The following ANGPTL3 variants were observed in gnomAD, a reference collection of about 807,000 sequenced individuals.
ANGPTL3 encodes the protein angiopoietin-related protein 3.
In ANGPTL3, 51 loss-of-function variants were observed where a neutral mutation model predicts 52.7. That is an observed-to-expected ratio of 0.97 (90% CI 0.77 to 1.22). The LOEUF is 1.22. Among genes scored for constraint, ANGPTL3 ranks in the 50% most tolerant of loss-of-function variants. ANGPTL3 has a pLI of 0.00. For synonymous variants in ANGPTL3, 185 were observed against 179.8 expected, an observed-to-expected ratio of 1.03 and a Z score of -0.23; for missense variants, 506 against 520.7, an observed-to-expected ratio of 0.97 and a Z score of 0.27.
chr1:62,598,219 A>G (rs1206166782), intron 1 of ANGPTL3, among the ~76,000 whole-genome samples, 158 bp downstream of exon 1: 2 of 152,046 alleles, frequency 1.3e-5, no homozygotes, highest in Non-Finnish European at 2.9e-5. Flanking sequence ...TTCCTATTAT[A>G]ATTTCAAGTT....
At chr1:62,603,525 G>A (rs1244949870) in intron 5 of ANGPTL3, among the ~76,000 whole-genome samples, 1 of 151,524 alleles carries the variant, frequency 6.6e-6, no homozygotes, top group Non-Finnish European at 1.5e-5. Context: ...CAAAGGCCAG[G>A]TTTACATTTG....
chr1:62,603,283 C>T (rs1650427514), intron 5 of ANGPTL3, among the ~76,000 whole-genome samples: 1 of 151,268 alleles, frequency 6.6e-6, no homozygotes, highest in African/African-American at 2.4e-5. Flanking sequence ...AACTCAATAG[C>T]AATAAGACAA....
At chr1:62,601,287 GAT>G (rs1361178465) in intron 3 of ANGPTL3, 91 bp downstream of exon 3, 17 of 916,844 alleles carry the variant, frequency 1.9e-5, no homozygotes, top group Non-Finnish European at 3.0e-5. Context: ...ATAGTTAAGA[GAT>G]ATCCATCAAA....
At chr1:62,604,349 T>C (rs971380849) in intron 6 of ANGPTL3, 114 bp downstream of exon 6, 23 of 1,328,326 alleles carry the variant, frequency 1.7e-5, no homozygotes, top group Non-Finnish European at 2.4e-5. Flanking sequence ...AATAAGCGTT[T>C]TCTCTCTAGA....
At chr1:62,602,988 C>CT (rs1188141067) in intron 5 of ANGPTL3, among the ~76,000 whole-genome samples, 10 of 151,732 alleles carry the variant, frequency 6.6e-5, no homozygotes, top group African/African-American at 2.4e-4. Context: ...TGAATGATGT[C>CT]TAAGTACTCA....
At chr1:62,604,543 TAAGA>T in intron 6 of ANGPTL3, 86 bp from the exon 7 acceptor site, 1 of 1,339,100 alleles carries the variant, frequency 7.5e-7, no homozygotes, top group Non-Finnish European at 1.1e-6. Flanking sequence ...GTAATATTTA[TAAGA>T]AAGGAAGATA....
Position 62,601,156 on chromosome 1 carries a change from C to T in ANGPTL3, c.681C>T (p.Pro227=). 6.2e-7 allele frequency: 1 copy of T among 1,610,696 alleles called. No homozygotes were observed. The highest frequency in any genetic ancestry group is 8.5e-7 in the Non-Finnish European group (1 of 1,177,478). ...SSKPRAPRTT[P]FLQLNEIRNV... is the part of the protein sequence containing the mutation. ...AGCCAAGAGCACCAAGAACTACTCC[C>T]TTTCTTCAGTTGAATGAAATAAGAA... is the stretch of plus-strand genomic sequence containing the variant. Residue 227 remains proline, a synonymous_variant, in exon 3 of 7, where the codon CCC becomes CCT. Coordinates refer to ENST00000371129, the MANE Select transcript of ANGPTL3 (RefSeq NM_014495.4).
chr1:62,600,935 C>A, intron 2 of ANGPTL3, 147 bp from the exon 3 acceptor site: 1 of 609,874 alleles, frequency 1.6e-6, no homozygotes, highest in Non-Finnish European at 3.0e-6. Flanking sequence ...TCTGTACAAT[C>A]TGAATAACAC....
At chr1:62,600,842 G>C (rs567906419) in intron 2 of ANGPTL3, among the ~76,000 whole-genome samples, 1 of 151,602 alleles carries the variant, frequency 6.6e-6, no homozygotes, top group Admixed American at 6.6e-5. Context: ...TCTGTTTTCC[G>C]ACCAATGTCT....
Position 62,604,233 on chromosome 1 carries a change from C to A in ANGPTL3, c.1196C>A (p.Ser399Ter), listed in dbSNP as rs780832785. ...CACTTCAACTGTCCAGAGGGTTATT[C>A]AGGTATCTTTTTCTGATACCAATAC... Reference protein sequence around the residue: ...KGHFNCPEGYSGGWWWHDECG... With the variant: ...KGHFNCPEGY The change falls in exon 6 of 7, where the codon TCA (serine) becomes TAA (stop). Residue 399 changes from serine (S) to a stop codon, truncating the protein, a stop_gained and splice_region_variant. Transcript: ENST00000371129. LOFTEE classifies it high-confidence loss of function. The A allele has an allele frequency of 8.7e-6, 14 of 1,613,040 alleles. No individual in the cohort carries two copies. In the South Asian group the frequency reaches 1.4e-4, roughly 16 times the overall value.
At chr1:62,601,341 C>A in intron 3 of ANGPTL3, 145 bp downstream of exon 3, 1 of 650,948 alleles carries the variant, frequency 1.5e-6, no homozygotes, top group Non-Finnish European at 2.8e-6. Context: ...GTTCTTTTTA[C>A]ACCCTATAAA....
chr1:62,604,528 A>T (rs912195683), intron 6 of ANGPTL3, 105 bp from the exon 7 acceptor site: 15 of 1,224,862 alleles, frequency 1.2e-5, no homozygotes, highest in Non-Finnish European at 1.8e-5. Context: ...TGCATCTAAA[A>T]CACTGTAATA....
intron 5 of ANGPTL3, among the ~76,000 whole-genome samples, chr1:62,603,508 C>A (rs1650469277): frequency 6.6e-6 from 1 of 151,554 alleles, no homozygotes; most frequent in Non-Finnish European, 1.5e-5. Flanking sequence ...ATACATTAAG[C>A]AAATACCAAA....
At chr1:62,602,263 T>C (rs1258625222) in intron 4 of ANGPTL3, 22 bp from the exon 5 acceptor site, 4 of 1,562,402 alleles carry the variant, frequency 2.6e-6, no homozygotes, top group Non-Finnish European at 2.6e-6. Flanking sequence ...TAAAAATACA[T>C]GATTTCATTC....
chr1:62,602,467 G>A, intron 5 of ANGPTL3, 87 bp downstream of exon 5: 3 of 1,188,976 alleles, frequency 2.5e-6, no homozygotes, highest in Non-Finnish European at 3.8e-6. Context: ...ATTAGGAAAA[G>A]TAGTAACGAA....
intron 1 of ANGPTL3, 33 bp downstream of exon 1, chr1:62,598,094 G>A (rs954364318): frequency 6.6e-7 from 1 of 1,525,168 alleles, no homozygotes; most frequent in Non-Finnish European, 8.8e-7. Context: ...TCATGTTTAT[G>A]TTTTCAATGT....
chr1:62,600,919 A>C (rs1650019257), intron 2 of ANGPTL3, 163 bp from the exon 3 acceptor site: 8 of 561,138 alleles, frequency 1.4e-5, no homozygotes, highest in Non-Finnish European at 2.3e-5. Flanking sequence ...TTTTGAGAAC[A>C]GGTAATCTGT....
Position 62,597,706 on chromosome 1 carries a change from C to G in ANGPTL3, c.140C>G (p.Ala47Gly). 6.2e-7 allele frequency: 1 copy of G among 1,613,522 alleles called. No individual in the cohort carries two copies. Among genetic ancestry groups the G allele is most frequent in the Non-Finnish European group, 8.5e-7 (1 of 1,179,718 alleles). Residue 47 changes from alanine (A) to glycine (G), a missense_variant, in exon 1 of 7, where the codon GCC becomes GGC. Coordinates refer to ENST00000371129, the MANE Select transcript of ANGPTL3 (RefSeq NM_014495.4). Reference sequence around the variant, plus strand: ...ATGTTAGACGATGTAAAAATTTTAGCCAATGGCCTCCTTCAGTTGGGACAT... The same window carrying G: ...ATGTTAGACGATGTAAAAATTTTAGGCAATGGCCTCCTTCAGTTGGGACAT... ...FAMLDDVKIL[A>G]NGLLQLGHGL...
Position 62,602,354 on chromosome 1 carries a change from A to G in ANGPTL3, c.905A>G (p.Tyr302Cys). 3 of 1,610,994 alleles carry G rather than the reference A, an allele frequency of 1.9e-6. No individual in the cohort carries two copies. In the South Asian group the frequency reaches 3.3e-5, roughly 18 times the overall value. The change falls in exon 5 of 7, where the codon TAC becomes TGC. Residue 302 changes from tyrosine to cysteine, a missense_variant. By Grantham distance (194) the Tyr-to-Cys change is radical. Transcript: ENST00000371129. ...SQNFNETWEN[Y>C]KYGFGRLDGE... ...AACTTCAATGAAACGTGGGAGAACT[A>G]CAAATATGGTTTTGGGAGGCTTGAT...
Sources: allele counts gnomAD v4.1 joint callset (sites outside exome capture counted in the v4.1 genomes callset), GRCh38; gene constraint gnomAD v4.1.1; transcripts MANE v1.5; gene names NCBI Gene and HGNC (gene_info 2026-07-23, HGNC 2026-07-21).